Variants in PIGN observed in about 807,000 individuals in gnomAD.
PIGN encodes the protein phosphatidylinositol glycan anchor biosynthesis class N.
Under a neutral mutation model 125.4 loss-of-function variants are expected in PIGN, and 117 were observed. The ratio of observed to expected loss-of-function variants is 0.93; its 90% CI spans 0.80 to 1.09. PIGN has a LOEUF of 1.09. Ranked by LOEUF, PIGN falls within the 50% of genes least tolerant of loss-of-function variation. PIGN has a pLI of 0.00. For synonymous variants in PIGN, 392 were observed against 377.8 expected (o/e 1.04, Z -0.44); for missense variants, 1,075 against 1,094.9 (o/e 0.98, Z 0.26).
At chr18:62,177,905 C>T (rs2037581381) in intron 1 of PIGN, among the ~76,000 whole-genome samples, 2 of 152,096 alleles carry the variant, frequency 1.3e-5, no homozygotes, top group Non-Finnish European at 2.9e-5. Flanking sequence ...CTAAGCTTGG[C>T]CACCTACACT....
At chr18:62,119,852 A>AAAG (rs1214405685) in intron 14 of PIGN, among the ~76,000 whole-genome samples, 3 of 151,914 alleles carry the variant, frequency 2.0e-5, no homozygotes, top group East Asian at 3.9e-4. Context: ...TCAAAAAAAA[A>AAAG]AAAGAAAGAA....
intron 1 of PIGN, among the ~76,000 whole-genome samples, chr18:62,167,253 C>CAT (rs1406658141): frequency 3.1e-5 from 4 of 128,542 alleles, no homozygotes; most frequent in Non-Finnish European, 7.0e-5. Context: ...TATACACACA[C>CAT]ATATATATAG....
Position 62,063,404 on chromosome 18 carries a change from G to T in PIGN, c.2672+9269C>A, listed in dbSNP as rs28664150. Among the ~76,000 whole-genome samples, 18 of 51,738 alleles carry T rather than the reference G, an allele frequency of 3.5e-4. 2 individuals are homozygous for T. Among genetic ancestry groups the T allele is most frequent in the African/African-American group, 1.8e-3 (16 of 8,702 alleles). The allele number at this position is 51,738 out of a possible 152,430, so 33.9% of individuals were successfully genotyped here. On this transcript the variant is annotated intron_variant, in intron 30 of 30. Transcript: ENST00000640252. ...AAAATCTATGGTTTTATAGATTTTA[G>T]CCAAAATCTATGGTTTTATAGATTT...
At chr18:62,075,400 A>C (rs1358037127) in intron 28 of PIGN, 1 of 152,232 alleles carries the variant, frequency 6.6e-6, no homozygotes, top group Non-Finnish European at 1.5e-5. Flanking sequence ...GAGTAGAATC[A>C]CATACATAAC....
At chr18:62,168,912 G>A (rs1193930006) in intron 1 of PIGN, among the ~76,000 whole-genome samples, 1 of 143,316 alleles carries the variant, frequency 7.0e-6, no homozygotes, top group African/African-American at 2.6e-5. Context: ...CTGGAGTGCA[G>A]TGGCATGATC....
intron 14 of PIGN, chr18:62,137,021 T>C (rs1038799533): frequency 3.5e-5 from 14 of 398,382 alleles, no homozygotes; most frequent in Non-Finnish European, 5.3e-5. Context: ...GTCTGTGACA[T>C]TGTTGCCAAA....
At chr18:62,061,534 AAAAAT>A (rs1265830217) in intron 30 of PIGN, among the ~76,000 whole-genome samples, 10 of 113,186 alleles carry the variant, frequency 8.8e-5, no homozygotes, top group African/African-American at 3.2e-4. Flanking sequence ...AAAAAAAAAA[AAAAAT>A]GCAATAAAAT....
At chr18:62,168,381 C>T (rs916073341) in intron 1 of PIGN, among the ~76,000 whole-genome samples, 9 of 152,114 alleles carry the variant, frequency 5.9e-5, no homozygotes, top group Admixed American at 2.6e-4. Context: ...AGCATATTCA[C>T]CTAAATGTTA....
chr18:62,117,967 T>C (rs1363340224), intron 14 of PIGN, among the ~76,000 whole-genome samples: 1 of 152,168 alleles, frequency 6.6e-6, no homozygotes, highest in African/African-American at 2.4e-5. Flanking sequence ...ATATTTTCTT[T>C]ATCCCTTAAT....
chr18:62,087,528 A>G (rs1357090328), intron 25 of PIGN, among the ~76,000 whole-genome samples: 1 of 152,234 alleles, frequency 6.6e-6, no homozygotes, highest in Non-Finnish European at 1.5e-5. Context: ...AATTAAACAG[A>G]AAGGACAAGA....
intron 1 of PIGN, among the ~76,000 whole-genome samples, chr18:62,184,086 A>G (rs2037812450): frequency 6.6e-6 from 1 of 152,216 alleles, no homozygotes; most frequent in African/African-American, 2.4e-5. Context: ...ATATGCATGT[A>G]CCAATACAAG....
chr18:62,149,183 A>G (rs62096066), intron 7 of PIGN, among the ~76,000 whole-genome samples: 25,002 of 152,088 alleles, frequency 0.16, 2,750 homozygotes, highest in Middle Eastern at 0.29. Flanking sequence ...TGAAGTATTT[A>G]AGTATTTTTT....
chr18:62,140,625 A>G, intron 11 of PIGN, 146 bp from the exon 12 acceptor site: 2 of 464,398 alleles, frequency 4.3e-6, no homozygotes, highest in Non-Finnish European at 7.8e-6. Context: ...AAAAGATATT[A>G]ATCTCTAAAA....
At chr18:62,072,594 CA>C in intron 30 of PIGN, 78 bp downstream of exon 30, 2 of 1,091,674 alleles carry the variant, frequency 1.8e-6, no homozygotes, top group African/African-American at 1.6e-5. Context: ...GATGTTTGCA[CA>C]GTGAAGAAAT....
At chr18:62,172,149 T>C (rs1205491262) in intron 1 of PIGN, among the ~76,000 whole-genome samples, 6 of 152,176 alleles carry the variant, frequency 3.9e-5, no homozygotes, top group African/African-American at 1.2e-4. Flanking sequence ...TAAACACATA[T>C]AGATATTCAG....
rs2145125511 is a variant in PIGN at position 62,050,782 on chromosome 18, T to C, written c.2673-4803A>G. 1.3e-5 allele frequency among the ~76,000 whole-genome samples: 2 copies of C among 152,202 alleles called. 1 individual carries two copies. Among genetic ancestry groups the C allele is most frequent in the South Asian group, 4.2e-4 (2 of 4,812 alleles). On this transcript the variant is annotated intron_variant, in intron 30 of 30. Coordinates refer to ENST00000640252, the MANE Select transcript of PIGN (RefSeq NM_176787.5). ...GAGGGCATCCCTGTCTTGTGTCAGT[T>C]TTCAAAGGGAATGTTTCCAGTTTTT...
chr18:62,165,850 A>C (rs2037114424), intron 1 of PIGN, among the ~76,000 whole-genome samples: 1 of 152,154 alleles, frequency 6.6e-6, no homozygotes, highest in African/African-American at 2.4e-5. Context: ...TTTATTGAGA[A>C]GTTTAAACAG....
intron 1 of PIGN, among the ~76,000 whole-genome samples, chr18:62,178,599 T>C (rs2037609312): frequency 7.2e-6 from 1 of 139,668 alleles, no homozygotes; most frequent in Non-Finnish European, 1.6e-5. Context: ...CAAGACCCAC[T>C]TAAAAAAAAA....
intron 27 of PIGN, among the ~76,000 whole-genome samples, chr18:62,083,820 G>A (rs986374187): frequency 1.8e-4 from 28 of 152,126 alleles, no homozygotes; most frequent in Admixed American, 6.5e-5. Flanking sequence ...TTGTATTAGT[G>A]TAATAACAAA....
Sources: allele counts gnomAD v4.1 joint callset (sites outside exome capture counted in the v4.1 genomes callset), GRCh38; gene constraint gnomAD v4.1.1; transcripts MANE v1.5; gene names NCBI Gene and HGNC (gene_info 2026-07-23, HGNC 2026-07-21).